GHR: variants seen among roughly 807,000 people sequenced by gnomAD.
The protein encoded by GHR is GH receptor.
Under a neutral mutation model 67.1 loss-of-function variants are expected in GHR, and 35 were observed. That is an observed-to-expected ratio of 0.52 (90% CI 0.40 to 0.69). GHR has a LOEUF of 0.69. Among genes scored for constraint, GHR ranks in the 30% least tolerant of loss-of-function variants. The probability of loss-of-function intolerance (pLI) is 0.00; values close to 1 mark genes in which losing one functional copy is unlikely to be tolerated. For synonymous variants in GHR, 272 were observed against 269.1 expected, an observed-to-expected ratio of 1.01 and a Z score of -0.10; for missense variants, 792 against 764.6, an observed-to-expected ratio of 1.04 and a Z score of -0.42.
At chr5:42,433,732 ATTTTTTTTT>A (rs35539827) in intron 1 of GHR, among the ~76,000 whole-genome samples, 3 of 77,604 alleles carry the variant, frequency 3.9e-5, no homozygotes, top group South Asian at 4.7e-4. Flanking sequence ...AAGATATGGT[ATTTTTTTTT>A]TTTTTTTTTT....
intron 3 of GHR, among the ~76,000 whole-genome samples, chr5:42,682,109 G>C (rs921289606): frequency 2.0e-5 from 3 of 152,120 alleles, no homozygotes; most frequent in African/African-American, 7.2e-5. Flanking sequence ...ATGAGTTCAC[G>C]TCCTTTGCAG....
chr5:42,657,678 CT>C (rs1755330178), intron 3 of GHR, among the ~76,000 whole-genome samples: 1 of 152,136 alleles, frequency 6.6e-6, no homozygotes, highest in Non-Finnish European at 1.5e-5. Flanking sequence ...TTTTGTCACT[CT>C]ATTTCCTACT....
At chr5:42,451,363 C>G (rs1254010033) in intron 1 of GHR, among the ~76,000 whole-genome samples, 1 of 151,072 alleles carries the variant, frequency 6.6e-6, no homozygotes, top group Non-Finnish European at 1.5e-5. Flanking sequence ...TTGGACTAAT[C>G]CTTTTATCAT....
chr5:42,496,144 G>A (rs373695880), intron 1 of GHR, among the ~76,000 whole-genome samples: 10 of 152,266 alleles, frequency 6.6e-5, no homozygotes, highest in African/African-American at 2.4e-4. Context: ...CAGTTGAGGC[G>A]ATGCAATTGG....
chr5:42,584,760 T>C (rs1411118471), intron 2 of GHR, among the ~76,000 whole-genome samples: 1 of 151,378 alleles, frequency 6.6e-6, no homozygotes, highest in Non-Finnish European at 1.5e-5. Flanking sequence ...CTCATACAGA[T>C]TATTCAGCTT....
At chr5:42,569,082 T>C (rs1750117923) in intron 2 of GHR, among the ~76,000 whole-genome samples, 1 of 152,220 alleles carries the variant, frequency 6.6e-6, no homozygotes, top group Non-Finnish European at 1.5e-5. Context: ...TGAAGGAGGT[T>C]GACATTGTTT....
chr5:42,688,613 C>G (rs1757271351), intron 3 of GHR, among the ~76,000 whole-genome samples: 1 of 152,068 alleles, frequency 6.6e-6, no homozygotes, highest in African/African-American at 2.4e-5. Flanking sequence ...AAATCCTAAT[C>G]TCTAGCTCTG....
intron 2 of GHR, among the ~76,000 whole-genome samples, chr5:42,621,803 G>A (rs992828136): frequency 1.3e-5 from 2 of 152,130 alleles, no homozygotes; most frequent in African/African-American, 4.8e-5. Context: ...TCTAGCTCAT[G>A]TAATATGCTG....
chr5:42,521,323 G>A (rs1017492941), intron 1 of GHR, among the ~76,000 whole-genome samples: 3 of 152,156 alleles, frequency 2.0e-5, no homozygotes, highest in African/African-American at 7.2e-5. Flanking sequence ...TGGGCACTAA[G>A]AATGCATATA....
chr5:42,688,344 C>G (rs1460900274), intron 3 of GHR, among the ~76,000 whole-genome samples: 1 of 152,192 alleles, frequency 6.6e-6, no homozygotes, highest in Non-Finnish European at 1.5e-5. Flanking sequence ...TGGGGGTGAA[C>G]ATCTCTGAGG....
intron 2 of GHR, among the ~76,000 whole-genome samples, chr5:42,576,107 A>G (rs371446099): frequency 0.2 from 26,171 of 127,948 alleles, 3,292 homozygotes; most frequent in African/African-American, 0.25. Flanking sequence ...AATAAATAAA[A>G]TAAAATAAAA....
At chr5:42,538,175 T>C (rs1748345163) in intron 1 of GHR, among the ~76,000 whole-genome samples, 1 of 152,212 alleles carries the variant, frequency 6.6e-6, no homozygotes, top group African/African-American at 2.4e-5. Flanking sequence ...GTATGAGATG[T>C]GTGGTACTGT....
At position 42,576,113 on chromosome 5, in the gene GHR, TA is replaced by T. The variant is rs1299395786; in HGVS notation, c.70+10173del. Among the ~76,000 whole-genome samples the T allele has an allele frequency of 4.2e-3, 341 of 81,054 alleles. 7 individuals carry two copies. The South Asian group carries it at 0.046, about 11-fold the overall frequency. The allele number at this position is 81,054 out of a possible 152,430, so 53.2% of individuals were successfully genotyped here. ...ATAAAATAAAATAAATAAAATAAAA[TA>T]AAATAAAATAAAATAAAATAAAATA... is the stretch of plus-strand genomic sequence containing the variant. On this transcript the variant is annotated intron_variant, in intron 2 of 9. Coordinates refer to ENST00000230882, the MANE Select transcript of GHR (RefSeq NM_000163.5).
Position 42,576,116 on chromosome 5 carries a change from AAT to A in GHR, c.70+10174_70+10175del, listed in dbSNP as rs1301838406. 1.9e-3 allele frequency among the ~76,000 whole-genome samples: 193 copies of A among 102,162 alleles called. 6 individuals carry two copies. Among genetic ancestry groups the A allele is most frequent in the African/African-American group, 8.9e-3 (190 of 21,344 alleles). 67.0% of individuals were successfully genotyped at this position (102,162 alleles called of 152,430 possible). On this transcript the variant is annotated intron_variant, in intron 2 of 9. Transcript: ENST00000230882. The stretch of plus-strand genomic sequence containing the variant: ...AAATAAAATAAATAAAATAAAATAA[AAT>A]AAAATAAAATAAAATAAAATAAAAT...
At chr5:42,467,710 T>A (rs1207380616) in intron 1 of GHR, 10 of 1,573,366 alleles carry the variant, frequency 6.4e-6, no homozygotes, top group Non-Finnish European at 8.7e-6. Context: ...CCCACACTCA[T>A]GACATTCAAA....
intron 2 of GHR, among the ~76,000 whole-genome samples, chr5:42,597,023 T>C (rs565615114): frequency 2.0e-5 from 3 of 152,246 alleles, no homozygotes; most frequent in South Asian, 2.1e-4. Flanking sequence ...AGGGTGCAGA[T>C]TGTGTTTACT....
At chr5:42,512,241 G>C (rs934674125) in intron 1 of GHR, among the ~76,000 whole-genome samples, 1 of 152,098 alleles carries the variant, frequency 6.6e-6, no homozygotes, top group African/African-American at 2.4e-5. Context: ...TGAGAAAATG[G>C]ACTCAGGGGT....
chr5:42,557,184 T>C (rs975762889), intron 1 of GHR, among the ~76,000 whole-genome samples: 1 of 152,202 alleles, frequency 6.6e-6, no homozygotes, highest in African/African-American at 2.4e-5. Flanking sequence ...TACAATTGCC[T>C]GTACACCCAA....
intron 1 of GHR, among the ~76,000 whole-genome samples, chr5:42,469,579 C>A (rs761474172): frequency 6.6e-6 from 1 of 152,170 alleles, no homozygotes; most frequent in Non-Finnish European, 1.5e-5. Context: ...CTTCCTCTGA[C>A]CAGGATTCAG....
Sources: gnomAD v4.1 joint callset for allele counts (sites outside exome capture counted in the v4.1 genomes callset) on GRCh38, gnomAD v4.1.1 for gene constraint, MANE v1.5 for transcripts, NCBI Gene and HGNC (gene_info 2026-07-23, HGNC 2026-07-21) for gene names.